GOLGA8M: variants seen among roughly 807,000 people sequenced by gnomAD.
GOLGA8M encodes golgin subfamily A member 8M.
GOLGA8M carries 34 observed loss-of-function variants against 87.7 expected under a neutral mutation model. The ratio of observed to expected loss-of-function variants is 0.39; its 90% confidence interval spans 0.29 to 0.52. GOLGA8M has a LOEUF of 0.52. Ranked by LOEUF, GOLGA8M falls within the 20% of genes least tolerant of loss-of-function variation. The probability of loss-of-function intolerance (pLI) is 0.80; values close to 1 mark genes in which losing one functional copy is unlikely to be tolerated. For synonymous variants in GOLGA8M, 138 were observed against 250.2 expected, an observed-to-expected ratio of 0.55 and a Z score of 4.23; for missense variants, 396 against 682.2, an observed-to-expected ratio of 0.58 and a Z score of 4.67.
At chr15:28,711,627 A>G (rs2080197856) in intron 1 of GOLGA8M, 1 of 985,150 alleles carries the variant, frequency 1.0e-6, no homozygotes, top group Non-Finnish European at 1.2e-6. Context: ...CAGAGGAACC[A>G]GAAACGAGGT....
rs557388111 is a variant in GOLGA8M, at chr15:28,711,804, G to C, written c.48+472C>G. The C allele has an allele frequency of 7.1e-6, 7 of 983,628 alleles. No homozygotes were observed. The East Asian group carries it at 7.1e-4, about 100-fold the overall frequency. 60.9% of individuals were successfully genotyped at this position (983,628 alleles called of 1,614,324 possible). A position where few individuals can be genotyped will look rare whatever the true frequency, so the allele number is the denominator to read the frequency against. On this transcript the variant is annotated intron_variant, in intron 1 of 18. Coordinates refer to ENST00000563027, the MANE Select transcript of GOLGA8M (RefSeq NM_001282468.3). ...CTCCACGATGGGGGAGGGAAGCACA[G>C]GGTTGGGACCCAGCTCCTTGGAGAC...
chr15:28,702,237 A>G lies in GOLGA8M; in HGVS notation c.1700T>C (p.Leu567Pro). 1 of 1,587,592 alleles carries G rather than the reference A, an allele frequency of 6.3e-7. No individual in the cohort carries two copies. Residue 567 changes from leucine (L) to proline (P), a missense_variant, in exon 18 of 19, where the codon CTT (leucine) becomes CCT (proline). By Grantham distance (98) the Leu-to-Pro change is moderately conservative (BLOSUM62 -3). Coordinates refer to ENST00000563027, the MANE Select transcript of GOLGA8M (RefSeq NM_001282468.3). ...ACCACCATGCTTGTCTGCAGCCCCA[A>G]GCTCCTGGGGAGCTGGGGCTCCTGG... is the stretch of plus-strand genomic sequence containing the variant. ...PGPGAPAPQE[L>P]GAADKHGDLC...
intron 13 of GOLGA8M, among the ~76,000 whole-genome samples, chr15:28,704,659 C>A (rs1352992464): frequency 7.0e-6 from 1 of 143,430 alleles, no homozygotes; most frequent in Non-Finnish European, 1.5e-5. Context: ...CTCACTGCAA[C>A]CTCCACCTCC....
At chr15:28,707,350 C>T (rs918849568) in intron 8 of GOLGA8M, among the ~76,000 whole-genome samples, 2 of 137,286 alleles carry the variant, frequency 1.5e-5, no homozygotes, top group Admixed American at 8.2e-5. Flanking sequence ...TGTATATTAT[C>T]ATAGTATGTA....
chr15:28,704,703 G>A lies in GOLGA8M; in HGVS notation c.1200+456C>T, dbSNP rs558988047. On this transcript the variant is annotated intron_variant, in intron 13 of 18. Transcript: ENST00000563027. The stretch of plus-strand genomic sequence containing the variant: ...AGCAATTCTCATGCCTCAGCCTCCC[G>A]AGTAGGTGGAATTACAGGCATGCAC... Among the ~76,000 whole-genome samples the A allele has an allele frequency of 4.2e-5, 6 of 142,842 alleles. No individual in the cohort carries two copies. In the South Asian group the frequency reaches 8.7e-4, roughly 21 times the overall value. 93.7% of individuals were successfully genotyped at this position (142,842 alleles called of 152,430 possible). A position where few individuals can be genotyped will look rare whatever the true frequency, so the allele number is the denominator to read the frequency against.
At chr15:28,712,020 G>A (rs1457316245) in intron 1 of GOLGA8M, 1 of 984,992 alleles carries the variant, frequency 1.0e-6, no homozygotes, top group African/African-American at 1.7e-5. Context: ...AGGAGATGAG[G>A]GCCCAGTAAC....
At position 28,699,259 on chromosome 15, in the gene GOLGA8M, G is replaced by C. The variant is rs2079746084; in HGVS notation, c.*2695C>G. ...ATTGCCATCTTTAAATAGGTATTTT[G>C]ATTCTTCCTACAGAAATTAAAATGT... On this transcript the variant is annotated 3_prime_UTR_variant, in exon 19 of 19. Coordinates refer to ENST00000563027, the MANE Select transcript of GOLGA8M (RefSeq NM_001282468.3). Among the ~76,000 whole-genome samples the C allele has an allele frequency of 7.0e-6, 1 of 143,768 alleles. No individual in the cohort carries two copies. The highest frequency in any genetic ancestry group is 1.5e-5 in the Non-Finnish European group (1 of 67,556). The allele number at this position is 143,768 out of a possible 152,430, so 94.3% of individuals were successfully genotyped here. A position where few individuals can be genotyped will look rare whatever the true frequency, so the allele number is the denominator to read the frequency against.
At position 28,699,263 on chromosome 15, in the gene GOLGA8M, CT is replaced by C. The variant is rs1387619585; in HGVS notation, c.*2690del. ...CCATCTTTAAATAGGTATTTTGATT[CT>C]TCCTACAGAAATTAAAATGTATTCA... On this transcript the variant is annotated 3_prime_UTR_variant, in exon 19 of 19. Coordinates refer to ENST00000563027, the MANE Select transcript of GOLGA8M (RefSeq NM_001282468.3). Among the ~76,000 whole-genome samples the C allele has an allele frequency of 6.9e-6, 1 of 144,862 alleles. No individual in the cohort carries two copies. Among genetic ancestry groups the C allele is most frequent in the Admixed American group, 7.4e-5 (1 of 13,542 alleles).
At chr15:28,702,798 C>T in intron 15 of GOLGA8M, 53 bp from the exon 16 acceptor site, 1 of 1,585,218 alleles carries the variant, frequency 6.3e-7, no homozygotes, top group African/African-American at 1.4e-5. Context: ...CCTCAGGTGG[C>T]ATTTTCAAGT....
chr15:28,707,729 G>T lies in GOLGA8M; in HGVS notation c.591+19C>A, dbSNP rs766341697. The T allele has an allele frequency of 9.7e-6, 15 of 1,541,476 alleles. No homozygotes were observed. Among genetic ancestry groups the T allele is most frequent in the Non-Finnish European group, 1.3e-5 (15 of 1,149,784 alleles). On this transcript the variant is annotated intron_variant, in intron 8 of 18. Transcript: ENST00000563027. ...GCAAAGCCAGACTCCCAGGGGATGGGGCAGGTGGTTGGACTCACCTGGTTT... is the reference window on the plus strand; with the variant it reads ...GCAAAGCCAGACTCCCAGGGGATGGTGCAGGTGGTTGGACTCACCTGGTTT...
intron 15 of GOLGA8M, 133 bp from the exon 16 acceptor site, chr15:28,702,878 T>C (rs1481391284): frequency 2.6e-6 from 4 of 1,539,564 alleles, no homozygotes; most frequent in African/African-American, 2.9e-5. Context: ...GCCCAGTGGG[T>C]CTCCCCACTC....
Position 28,701,194 on chromosome 15 carries a change from A to G in GOLGA8M, c.*760T>C, listed in dbSNP as rs2079776525. ...CTGCAGCTCATGATGCAGTATCTTC[A>G]TGAGCCCAGAGCACATACAAATCCT... is the stretch of plus-strand genomic sequence containing the variant. On this transcript the variant is annotated 3_prime_UTR_variant, in exon 19 of 19. Coordinates refer to ENST00000563027, the MANE Select transcript of GOLGA8M (RefSeq NM_001282468.3). Among the ~76,000 whole-genome samples the G allele has an allele frequency of 6.6e-6, 1 of 152,044 alleles. No homozygotes were observed. The highest frequency in any genetic ancestry group is 1.5e-5 in the Non-Finnish European group (1 of 68,022).
In GOLGA8M at chr15:28,707,937, G is replaced by A. The variant is rs1355495564; in HGVS notation, c.481+16C>T. The A allele has an allele frequency of 6.3e-7, 1 of 1,583,294 alleles. No homozygotes were observed. Among genetic ancestry groups the A allele is most frequent in the Non-Finnish European group, 8.5e-7 (1 of 1,176,964 alleles). On this transcript the variant is annotated intron_variant, in intron 7 of 18. Coordinates refer to ENST00000563027, the MANE Select transcript of GOLGA8M (RefSeq NM_001282468.3). ...AAGTGCCAGGTTGAAGGATGACAGG[G>A]TGCCCAGATTCCCACCTTCAAAGTA...
intron 13 of GOLGA8M, among the ~76,000 whole-genome samples, chr15:28,704,590 G>C (rs1374970546): frequency 6.7e-6 from 1 of 148,528 alleles, no homozygotes; most frequent in Non-Finnish European, 1.5e-5. Flanking sequence ...TTTTTGTTTT[G>C]TTTTCAGACA....
rs190808421 is a variant in GOLGA8M at position 28,699,112 on chromosome 15, G to A, written c.*2842C>T. ...TAAAGTTTTAGAGAAACTATATTAT[G>A]GATAGGGCTGATTTACATTTTCAAA... On this transcript the variant is annotated 3_prime_UTR_variant, in exon 19 of 19. Coordinates refer to ENST00000563027, the MANE Select transcript of GOLGA8M (RefSeq NM_001282468.3). Among the ~76,000 whole-genome samples, 2 of 149,986 alleles carry A rather than the reference G, an allele frequency of 1.3e-5. No individual in the cohort carries two copies. The highest frequency in any genetic ancestry group is 4.9e-5 in the African/African-American group (2 of 40,756).
chr15:28,702,911 G>A (rs2079856440), intron 15 of GOLGA8M, 166 bp from the exon 16 acceptor site: 1 of 969,786 alleles, frequency 1.0e-6, no homozygotes, highest in African/African-American at 1.9e-5. Flanking sequence ...CCAGGCCCTG[G>A]GGCTGCAGGG....
In GOLGA8M at chr15:28,699,082, C is replaced by T. The variant is rs2079743906; in HGVS notation, c.*2872G>A. On this transcript the variant is annotated 3_prime_UTR_variant, in exon 19 of 19. Coordinates refer to ENST00000563027, the MANE Select transcript of GOLGA8M (RefSeq NM_001282468.3). ...TAATAGTTATATTATTTTAAAACAACTCTTTAAAGTTTTAGAGAAACTATA... is the reference window on the plus strand; with the variant it reads ...TAATAGTTATATTATTTTAAAACAATTCTTTAAAGTTTTAGAGAAACTATA... 6.7e-6 allele frequency among the ~76,000 whole-genome samples: 1 copy of T among 150,282 alleles called. No individual in the cohort carries two copies. Among genetic ancestry groups the T allele is most frequent in the African/African-American group, 2.5e-5 (1 of 40,724 alleles).
At chr15:28,703,159 T>C in intron 15 of GOLGA8M, among the ~76,000 whole-genome samples, 160 bp downstream of exon 15, 1 of 132,404 alleles carries the variant, frequency 7.6e-6, no homozygotes, top group Admixed American at 8.5e-5. Context: ...CCCCAGAGAC[T>C]GCACATGTTG....
intron 2 of GOLGA8M, among the ~76,000 whole-genome samples, chr15:28,709,860 A>T (rs1373739674): frequency 6.7e-6 from 1 of 148,970 alleles, no homozygotes; most frequent in African/African-American, 2.5e-5. Flanking sequence ...CAAACAGCAA[A>T]GACCATATCC....
Sources: allele counts gnomAD v4.1 joint callset (sites outside exome capture counted in the v4.1 genomes callset), GRCh38; gene constraint gnomAD v4.1.1; transcripts MANE v1.5; gene names NCBI Gene and HGNC (gene_info 2026-07-23, HGNC 2026-07-21).